SLC35A5: variants seen among roughly 807,000 people sequenced by gnomAD.
SLC35A5 encodes the protein UDP-sugar transporter protein SLC35A5.
SLC35A5 carries 28 observed loss-of-function variants against 36.3 expected under a neutral mutation model. The ratio of observed to expected loss-of-function variants is 0.77; its 90% CI spans 0.57 to 1.06. The LOEUF is 1.06. Ranked by LOEUF, SLC35A5 falls within the 50% of genes least tolerant of loss-of-function variation. SLC35A5 has a pLI of 0.00. For synonymous variants in SLC35A5, 180 were observed against 173.7 expected (o/e 1.04, Z -0.29); for missense variants, 521 against 499.3 (o/e 1.04, Z -0.41).
intron 2 of SLC35A5, among the ~76,000 whole-genome samples, chr3:112,568,748 A>G (rs931759409): frequency 6.6e-6 from 1 of 152,222 alleles, no homozygotes; most frequent in Non-Finnish European, 1.5e-5. Context: ...GTGTACCTCA[A>G]TTTTAGCAAG....
chr3:112,572,353 G>C (rs956977301), intron 4 of SLC35A5, among the ~76,000 whole-genome samples: 1 of 152,050 alleles, frequency 6.6e-6, no homozygotes, highest in Non-Finnish European at 1.5e-5. Flanking sequence ...CTAGTTCAAA[G>C]GCAGGGAACT....
rs982871688 is a variant in SLC35A5 at position 112,580,471 on chromosome 3, T to TAG, written c.429-75_429-74insAG. On this transcript the variant is annotated intron_variant, in intron 5 of 6. Transcript: ENST00000492406. ...CAGTTTATTCAACCAAATACTCAAGTGTCTGAGTTTTCAGTAGAAACTATT... is the reference window on the plus strand; with the variant it reads ...CAGTTTATTCAACCAAATACTCAAGTAGGTCTGAGTTTTCAGTAGAAACTATT... 34 of 1,448,140 alleles carry TAG rather than the reference T, an allele frequency of 2.3e-5. No homozygotes were observed. In the African/African-American group the frequency reaches 4.9e-4, roughly 21 times the overall value. The allele number at this position is 1,448,140 out of a possible 1,614,324, so 89.7% of individuals were successfully genotyped here.
chr3:112,580,245 G>A (rs1243043625), intron 5 of SLC35A5, among the ~76,000 whole-genome samples: 2 of 152,164 alleles, frequency 1.3e-5, no homozygotes, highest in Non-Finnish European at 2.9e-5. Flanking sequence ...CTGTGCCAGA[G>A]GTCCAGGATA....
chr3:112,584,105 A>T lies in SLC35A5; in HGVS notation c.*1369A>T, dbSNP rs1287429449. 1.1e-4 allele frequency: 16 copies of T among 152,208 alleles called. No individual in the cohort carries two copies. Among genetic ancestry groups the T allele is most frequent in the Admixed American group, 1.0e-3 (16 of 15,276 alleles). The allele number at this position is 152,208 out of a possible 1,614,324, so 9.4% of individuals were successfully genotyped here. On this transcript the variant is annotated 3_prime_UTR_variant, in exon 7 of 7. Transcript: ENST00000492406. Reference sequence around the variant, plus strand: ...ATTCATTTGTGATATCCACAATAATATGACTGGCAAGAATTGGTGGAAATT... The same window carrying T: ...ATTCATTTGTGATATCCACAATAATTTGACTGGCAAGAATTGGTGGAAATT...
At chr3:112,562,357 C>T (rs189803581) in intron 1 of SLC35A5, 84 bp downstream of exon 1, 1 of 152,428 alleles carries the variant, frequency 6.6e-6, no homozygotes, top group Non-Finnish European at 1.5e-5. Context: ...GCATGTGTGA[C>T]TAGAAGGGTA....
intron 2 of SLC35A5, among the ~76,000 whole-genome samples, chr3:112,565,110 G>A (rs1934135987): frequency 6.6e-6 from 1 of 152,130 alleles, no homozygotes; most frequent in African/African-American, 2.4e-5. Flanking sequence ...TTACCTGCCA[G>A]GCACTAGGCT....
In SLC35A5 at chr3:112,573,961, G is replaced by T. The variant is rs1251107764; in HGVS notation, c.428+5G>T. 6.2e-7 allele frequency: 1 copy of T among 1,607,804 alleles called. No individual in the cohort carries two copies. Among genetic ancestry groups the T allele is most frequent in the Admixed American group, 1.7e-5 (1 of 59,966 alleles). Reference sequence around the variant, plus strand: ...TCTATTCAGGATAGTGCTGAAGTAAGTAACTTGCTGTGAAAACATATATCA... The same window carrying T: ...TCTATTCAGGATAGTGCTGAAGTAATTAACTTGCTGTGAAAACATATATCA... On this transcript the variant is annotated splice_donor_5th_base_variant and intron_variant, in intron 5 of 6. Transcript: ENST00000492406.
rs375808324 is a variant in SLC35A5 at position 112,569,055 on chromosome 3, CTT to C, written c.131-115_131-114del. ...AAGGAGCAAAGGCAACTGGAAGAAA[CTT>C]AATATAACCAGTAGTAAATCCAGCT... On this transcript the variant is annotated intron_variant, in intron 2 of 6. Transcript: ENST00000492406. The C allele has an allele frequency of 1.6e-5, 12 of 767,170 alleles. No homozygotes were observed. The African/African-American group carries it at 1.6e-4, about 10-fold the overall frequency. 47.5% of individuals were successfully genotyped at this position (767,170 alleles called of 1,614,324 possible). A position where few individuals can be genotyped will look rare whatever the true frequency, so the allele number is the denominator to read the frequency against.
Position 112,563,441 on chromosome 3 carries a change from C to A in SLC35A5, c.38C>A (p.Ser13Tyr), listed in dbSNP as rs201886373. The A allele has an allele frequency of 6.3e-7, 1 of 1,592,262 alleles. No individual in the cohort carries two copies. Among genetic ancestry groups the A allele is most frequent in the Non-Finnish European group, 8.6e-7 (1 of 1,163,436 alleles). Residue 13 changes from serine to tyrosine, a missense_variant, in exon 2 of 7, where the codon TCC becomes TAC. Coordinates refer to ENST00000492406, the MANE Select transcript of SLC35A5 (RefSeq NM_017945.5). Reference sequence around the variant, plus strand: ...TGCTGTAGTCATCCTGTAATATGCTCCTTGTCAACAATGTATACATTCCTG... The same window carrying A: ...TGCTGTAGTCATCCTGTAATATGCTACTTGTCAACAATGTATACATTCCTG... ...KQCCSHPVIC[S>Y]LSTMYTFLLG...
chr3:112,561,383 G>A, upstream of SLC35A5: 1 of 1,486,330 alleles, frequency 6.7e-7, no homozygotes, highest in East Asian at 2.3e-5. Flanking sequence ...AGAAAGCGGG[G>A]ACTCCTGCGG....
intron 4 of SLC35A5, among the ~76,000 whole-genome samples, chr3:112,571,198 C>T (rs1002707442): frequency 2.0e-5 from 3 of 152,190 alleles, no homozygotes; most frequent in Non-Finnish European, 2.9e-5. Flanking sequence ...GAAATGCCAT[C>T]TATAACTGAT....
intron 4 of SLC35A5, among the ~76,000 whole-genome samples, chr3:112,571,775 T>C (rs1485861167): frequency 6.6e-6 from 1 of 152,106 alleles, no homozygotes; most frequent in Non-Finnish European, 1.5e-5. Flanking sequence ...ATGAGAACAG[T>C]ATGGGTGAAA....
At chr3:112,561,382 G>A, upstream of SLC35A5, 2 of 1,482,712 alleles carry the variant, frequency 1.3e-6, no homozygotes, top group Middle Eastern at 1.7e-4. Flanking sequence ...GAGAAAGCGG[G>A]GACTCCTGCG....
chr3:112,561,980 G>C (rs1559852298), upstream of SLC35A5: 3 of 180,110 alleles, frequency 1.7e-5, no homozygotes, highest in South Asian at 3.0e-4. Context: ...CCCGGCACGT[G>C]ACGTGAGAAA....
At chr3:112,578,316 A>G (rs531884215) in intron 5 of SLC35A5, among the ~76,000 whole-genome samples, 3 of 152,212 alleles carry the variant, frequency 2.0e-5, no homozygotes, top group Admixed American at 6.5e-5. Context: ...TTTATCATTT[A>G]TGTAATCTTT....
At chr3:112,570,310 A>G (rs1258250818) in intron 3 of SLC35A5, 1 of 324,230 alleles carries the variant, frequency 3.1e-6, no homozygotes, top group Non-Finnish European at 5.6e-6. Context: ...AGTTGCCTTA[A>G]GTAATACTTC....
intron 4 of SLC35A5, among the ~76,000 whole-genome samples, chr3:112,572,558 T>C (rs1159498735): frequency 6.6e-6 from 1 of 152,216 alleles, no homozygotes; most frequent in African/African-American, 2.4e-5. Context: ...CTCTTTTCTG[T>C]GTCCCCCAGT....
At position 112,582,949 on chromosome 3, in the gene SLC35A5, A is replaced by G. The variant is rs958720258; in HGVS notation, c.*213A>G. ...GAACTGATACAGGAGTAACAATATG[A>G]AGAATTCATTAATATCTCAGTACTT... is the stretch of plus-strand genomic sequence containing the variant. On this transcript the variant is annotated 3_prime_UTR_variant, in exon 7 of 7. Coordinates refer to ENST00000492406, the MANE Select transcript of SLC35A5 (RefSeq NM_017945.5). The G allele has an allele frequency of 4.0e-6, 2 of 506,176 alleles. No individual in the cohort carries two copies. Among genetic ancestry groups the G allele is most frequent in the Admixed American group, 3.6e-5 (1 of 27,616 alleles). The allele number at this position is 506,176 out of a possible 1,614,324, so 31.4% of individuals were successfully genotyped here.
chr3:112,565,184 A>AG (rs34133683), intron 2 of SLC35A5, among the ~76,000 whole-genome samples: 10,254 of 152,240 alleles, frequency 0.067, 434 homozygotes, highest in Admixed American at 0.12. Flanking sequence ...TTAGTTTATT[A>AG]GGAGAGACAT....
Sources: gnomAD v4.1 joint callset for allele counts (sites outside exome capture counted in the v4.1 genomes callset) on GRCh38, gnomAD v4.1.1 for gene constraint, MANE v1.5 for transcripts, NCBI Gene and HGNC (gene_info 2026-07-23, HGNC 2026-07-21) for gene names.